Variants in SV2C observed in about 807,000 individuals in gnomAD.
SV2C encodes the protein synaptic vesicle glycoprotein 2C, also known as solute carrier family 22 member B3.
A neutral mutation model predicts 79.7 loss-of-function variants in SV2C; 49 were observed. The ratio of observed to expected loss-of-function variants is 0.61; its 90% confidence interval spans 0.49 to 0.78. The LOEUF (loss-of-function observed/expected upper bound fraction) is 0.78. Among genes scored for constraint, SV2C ranks in the 30% least tolerant of loss-of-function variants. SV2C has a pLI of 0.00. For missense variants in SV2C, 833 were observed against 912.9 expected, an observed-to-expected ratio of 0.91 and a Z score of 1.13; for synonymous variants, 334 against 333.2, an observed-to-expected ratio of 1.00 and a Z score of -0.03.
chr5:75,925,800 T>TA, the SV2C span, among the ~76,000 whole-genome samples: 7 of 152,052 alleles, frequency 4.6e-5, no homozygotes, highest in Non-Finnish European at 8.8e-5. Context: ...GTAAGCAATT[T>TA]AAAAAAATTA....
chr5:76,107,967 T>C (rs1253935151), intron 1 of SV2C, among the ~76,000 whole-genome samples: 1 of 152,244 alleles, frequency 6.6e-6, no homozygotes, highest in African/African-American at 2.4e-5. Context: ...CTACAGATCT[T>C]CTTAAACTTT....
intron 4 of SV2C, among the ~76,000 whole-genome samples, chr5:76,278,762 G>A (rs762256364): frequency 2.0e-5 from 3 of 152,222 alleles, no homozygotes; most frequent in African/African-American, 2.4e-5. Context: ...TAGGTGCCAC[G>A]ATGAGACATT....
chr5:75,970,851 G>A, the SV2C span, among the ~76,000 whole-genome samples: 1 of 152,054 alleles, frequency 6.6e-6, no homozygotes, highest in Admixed American at 6.5e-5. Flanking sequence ...CGATACCAAA[G>A]CCTGGCAGAG....
At chr5:76,343,617 G>A (rs1749485297) in intron 12 of SV2C, among the ~76,000 whole-genome samples, 1 of 152,156 alleles carries the variant, frequency 6.6e-6, no homozygotes, top group East Asian at 1.9e-4. Flanking sequence ...GAGGAGGGGG[G>A]CAAATTGGTC....
intron 2 of SV2C, among the ~76,000 whole-genome samples, chr5:76,172,461 G>T (rs1418524624): frequency 3.5e-5 from 3 of 86,724 alleles, no homozygotes; most frequent in African/African-American, 5.0e-5. Context: ...CGCCCTGTCC[G>T]GGAGGTGAGG....
intron 2 of SV2C, among the ~76,000 whole-genome samples, chr5:76,182,918 A>AGTGTGTGT (rs577550259): frequency 1.4e-5 from 2 of 141,146 alleles, no homozygotes; most frequent in Non-Finnish European, 3.0e-5. Flanking sequence ...TGAGAGAGAG[A>AGTGTGTGT]GTGTGTGTGT....
the SV2C span, among the ~76,000 whole-genome samples, chr5:75,867,911 C>G: frequency 1.3e-5 from 2 of 152,184 alleles, no homozygotes; most frequent in African/African-American, 2.4e-5. Context: ...ATGCTAAGTA[C>G]TGATGATGAA....
At chr5:76,126,454 G>A (rs778435257) in intron 1 of SV2C, among the ~76,000 whole-genome samples, 3 of 152,150 alleles carry the variant, frequency 2.0e-5, no homozygotes, top group Non-Finnish European at 4.4e-5. Flanking sequence ...GCTCAGTGCG[G>A]AAAGCTTCTT....
the SV2C span, among the ~76,000 whole-genome samples, chr5:75,884,357 C>T: frequency 6.6e-6 from 1 of 152,148 alleles, no homozygotes; most frequent in African/African-American, 2.4e-5. Flanking sequence ...TGATATCAAA[C>T]TGTGCATAAT....
rs1432051390 is a variant in SV2C, at chr5:76,255,082, T to C, written c.914-30080T>C. ...AGCTTTTCCCTATTATTCTGTCCTA[T>C]GGAAAGAAGAACAGTTATTCATATA... On this transcript the variant is annotated intron_variant, in intron 4 of 12. Coordinates refer to ENST00000502798, the MANE Select transcript of SV2C (RefSeq NM_014979.4). Among the ~76,000 whole-genome samples the C allele has an allele frequency of 3.3e-5, 5 of 152,354 alleles. No individual in the cohort carries two copies. The East Asian group carries it at 7.7e-4, about 23-fold the overall frequency.
intron 2 of SV2C, among the ~76,000 whole-genome samples, chr5:76,138,207 G>A (rs1209284236): frequency 1.3e-5 from 2 of 152,196 alleles, no homozygotes; most frequent in Non-Finnish European, 2.9e-5. Flanking sequence ...AGAGAGCTCG[G>A]TTGGCTTGCC....
At chr5:76,271,616 C>CTTTTTTT (rs34458409) in intron 4 of SV2C, among the ~76,000 whole-genome samples, 155 of 96,056 alleles carry the variant, frequency 1.6e-3, no homozygotes, top group African/African-American at 2.9e-3. Context: ...AGCATGTGTT[C>CTTTTTTT]TTTTTTTTTT....
At chr5:75,893,196 T>C in the SV2C span, among the ~76,000 whole-genome samples, 1 of 152,114 alleles carries the variant, frequency 6.6e-6, no homozygotes, top group Non-Finnish European at 1.5e-5. Context: ...CATTTTTTGA[T>C]ATTTTTTTGG....
At chr5:75,894,052 A>C in the SV2C span, among the ~76,000 whole-genome samples, 1 of 151,970 alleles carries the variant, frequency 6.6e-6, no homozygotes, top group African/African-American at 2.4e-5. Context: ...GGAATGGGAA[A>C]CCATTGTAGG....
the SV2C span, among the ~76,000 whole-genome samples, chr5:75,934,302 C>CTTTT: frequency 0.23 from 24,889 of 106,914 alleles, 3,351 homozygotes; most frequent in East Asian, 0.38. Context: ...TTCTTTCTTT[C>CTTTT]TTTTTTTTTT....
At chr5:76,029,201 G>A in the SV2C span, among the ~76,000 whole-genome samples, 1 of 152,194 alleles carries the variant, frequency 6.6e-6, no homozygotes, top group African/African-American at 2.4e-5. Flanking sequence ...ACTAACATAT[G>A]CACTACCTCA....
At chr5:76,309,469 T>G (rs1748330010) in intron 12 of SV2C, among the ~76,000 whole-genome samples, 3 of 151,510 alleles carry the variant, frequency 2.0e-5, no homozygotes, top group Non-Finnish European at 1.5e-5. Flanking sequence ...GCATCGTGGC[T>G]GGCGCCTGTA....
At chr5:75,916,638 C>A in the SV2C span, among the ~76,000 whole-genome samples, 1 of 152,070 alleles carries the variant, frequency 6.6e-6, no homozygotes, top group Non-Finnish European at 1.5e-5. Flanking sequence ...CCACATCTGG[C>A]TAATTTTTAT....
the SV2C span, among the ~76,000 whole-genome samples, chr5:75,991,340 T>C: frequency 1.1e-4 from 16 of 151,796 alleles, no homozygotes; most frequent in South Asian, 3.3e-3. Flanking sequence ...TTTTAAAAAT[T>C]ATATCAATCC....
Sources: allele counts gnomAD v4.1 joint callset (sites outside exome capture counted in the v4.1 genomes callset), GRCh38; gene constraint gnomAD v4.1.1; transcripts MANE v1.5; gene names NCBI Gene and HGNC (gene_info 2026-07-23, HGNC 2026-07-21).